The following EPG5 variants were observed in gnomAD, a reference collection of about 807,000 sequenced individuals.
EPG5 encodes ectopic P-granules 5 autophagy tethering factor, also known as ectopic P granules protein 5 homolog.
EPG5 carries 159 observed loss-of-function variants against 302.7 expected under a neutral mutation model. The ratio of observed to expected loss-of-function variants is 0.53; its 90% CI spans 0.46 to 0.60. EPG5 has a LOEUF of 0.60. Among genes scored for constraint, EPG5 ranks in the 20% least tolerant of loss-of-function variants. The pLI is 0.00. For synonymous variants in EPG5, 1,158 were observed against 1,136.8 expected (o/e 1.02, Z -0.37); for missense variants, 2,896 against 3,092.4 (o/e 0.94, Z 1.51).
chr18:45,837,178 T>G, the EPG5 span: 1 of 1,559,584 alleles, frequency 6.4e-7, no homozygotes, highest in Non-Finnish European at 8.7e-7. Context: ...GGGCAGGTTT[T>G]GATGGGGAAA....
At chr18:45,820,371 C>G in the EPG5 span, among the ~76,000 whole-genome samples, 1 of 152,324 alleles carries the variant, frequency 6.6e-6, no homozygotes, top group South Asian at 2.1e-4. Context: ...CTGGCAGCCT[C>G]TAGGCAGAAA....
intron 24 of EPG5, chr18:45,907,244 T>C (rs2049773904): frequency 6.6e-6 from 1 of 152,140 alleles, no homozygotes; most frequent in Non-Finnish European, 1.5e-5. Flanking sequence ...TAGAGTTTCC[T>C]AAATCCCATC....
At chr18:45,832,435 T>C in the EPG5 span, among the ~76,000 whole-genome samples, 5 of 147,792 alleles carry the variant, frequency 3.4e-5, no homozygotes, top group African/African-American at 1.2e-4. Context: ...AGTCTGATGT[T>C]ATATAACTTG....
chr18:45,831,259 T>C, the EPG5 span, among the ~76,000 whole-genome samples: 3 of 152,236 alleles, frequency 2.0e-5, no homozygotes. Flanking sequence ...CTGGGTTCAC[T>C]CCTTCTCCAA....
intron 32 of EPG5, 132 bp downstream of exon 32, chr18:45,879,943 C>T: frequency 9.8e-7 from 1 of 1,018,206 alleles, no homozygotes; most frequent in Non-Finnish European, 1.4e-6. Flanking sequence ...ACGAGGGAAC[C>T]AAAGCACTTA....
chr18:45,820,362 T>C, the EPG5 span, among the ~76,000 whole-genome samples: 2 of 152,214 alleles, frequency 1.3e-5, no homozygotes, highest in Non-Finnish European at 1.5e-5. Context: ...TTCTGCTCTC[T>C]GGCAGCCTCT....
At position 45,884,764 on chromosome 18, in the gene EPG5, G is replaced by A. The variant is rs1258923662; in HGVS notation, c.5157C>T (p.Thr1719=). Residue 1719 remains threonine, a synonymous_variant, in exon 30 of 44, where the codon ACC becomes ACT. Transcript: ENST00000282041. ...IKSECRKVLE[T]ILKNSRLCSL... is the part of the protein sequence containing the mutation. ...AGCAGAGCCTGCTGTTCTTCAGAAT[G>A]GTTTCAAGTACTTTTCTGCACTCTG... The A allele has an allele frequency of 2.5e-6, 4 of 1,588,168 alleles. No homozygotes were observed. Among genetic ancestry groups the A allele is most frequent in the East Asian group, 2.3e-5 (1 of 43,098 alleles).
At chr18:45,830,691 G>A in the EPG5 span, among the ~76,000 whole-genome samples, 1 of 139,552 alleles carries the variant, frequency 7.2e-6, no homozygotes, top group Non-Finnish European at 1.5e-5. Flanking sequence ...GTTCAAGCGA[G>A]TCTCCTGCCT....
At chr18:45,847,590 G>A (rs1011242001), downstream of EPG5, 7 of 152,442 alleles carry the variant, frequency 4.6e-5, no homozygotes, top group African/African-American at 1.7e-4. Context: ...AGGAAACAAT[G>A]AGACAGGCCC....
At chr18:45,838,754 G>A in the EPG5 span, 2 of 1,582,908 alleles carry the variant, frequency 1.3e-6, no homozygotes, top group East Asian at 2.3e-5. Flanking sequence ...GTGCTGCCCA[G>A]TCCGGCTCAC....
At chr18:45,815,184 A>T in the EPG5 span, among the ~76,000 whole-genome samples, 38 of 152,336 alleles carry the variant, frequency 2.5e-4, no homozygotes, top group Non-Finnish European at 2.6e-4. Context: ...GACAACATGC[A>T]TATTTACGGG....
At chr18:45,872,565 G>A (rs1292972273) in intron 35 of EPG5, among the ~76,000 whole-genome samples, 7 of 152,160 alleles carry the variant, frequency 4.6e-5, no homozygotes, top group African/African-American at 1.7e-4. Flanking sequence ...TTAGCCAGGT[G>A]TGGTGGCAGG....
intron 35 of EPG5, among the ~76,000 whole-genome samples, chr18:45,871,966 G>A (rs11663670): frequency 0.5 from 75,442 of 152,016 alleles, 19,449 homozygotes; most frequent in Non-Finnish European, 0.58. Context: ...TGAAAGGTAA[G>A]CAAGGTGATG....
At chr18:45,817,988 A>G in the EPG5 span, among the ~76,000 whole-genome samples, 2 of 152,236 alleles carry the variant, frequency 1.3e-5, no homozygotes, top group African/African-American at 2.4e-5. Flanking sequence ...TCTAGAAAGT[A>G]TGTATGCATA....
chr18:45,820,003 A>G, the EPG5 span, among the ~76,000 whole-genome samples: 1 of 152,196 alleles, frequency 6.6e-6, no homozygotes, highest in African/African-American at 2.4e-5. Flanking sequence ...GTATTTGCCC[A>G]AAGTCATCCT....
chr18:45,810,067 T>C, the EPG5 span, among the ~76,000 whole-genome samples: 69 of 152,148 alleles, frequency 4.5e-4, 1 homozygote, highest in Non-Finnish European at 1.0e-4. Context: ...CAAAAGATCA[T>C]TCAAGGATAC....
chr18:45,926,072 G>A lies in EPG5; in HGVS notation c.2554-170C>T, dbSNP rs2145784728. Among the ~76,000 whole-genome samples the A allele has an allele frequency of 1.3e-5, 2 of 152,228 alleles. 1 individual carries two copies. Among genetic ancestry groups the A allele is most frequent in the Middle Eastern group, 6.8e-3 (2 of 294 alleles). Reference sequence around the variant, plus strand: ...GAAATCACGGACAACCAAATCAAGTGGGTATTAAAATTGATGATACATCAA... The same window carrying A: ...GAAATCACGGACAACCAAATCAAGTAGGTATTAAAATTGATGATACATCAA... On this transcript the variant is annotated intron_variant, in intron 13 of 43. Transcript: ENST00000282041.
At chr18:45,867,843 A>C (rs2048779453) in intron 36 of EPG5, 95 bp from the exon 37 acceptor site, 6 of 1,137,638 alleles carry the variant, frequency 5.3e-6, no homozygotes, top group Non-Finnish European at 7.5e-6. Context: ...GTTTTTAAAA[A>C]ACACTTTTTC....
intron 24 of EPG5, among the ~76,000 whole-genome samples, chr18:45,906,306 A>G (rs1033003114): frequency 2.0e-5 from 3 of 152,240 alleles, no homozygotes; most frequent in Non-Finnish European, 4.4e-5. Flanking sequence ...CCAAACAAAG[A>G]CTTCAAAATA....
Sources: gnomAD v4.1 joint callset for allele counts (sites outside exome capture counted in the v4.1 genomes callset) on GRCh38, gnomAD v4.1.1 for gene constraint, MANE v1.5 for transcripts, NCBI Gene and HGNC (gene_info 2026-07-23, HGNC 2026-07-21) for gene names.